The following TMEM232 variants were observed in gnomAD, a reference collection of about 807,000 sequenced individuals.
TMEM232 encodes the protein transmembrane protein 232.
TMEM232 carries 80 observed loss-of-function variants against 78.8 expected under a neutral mutation model. The observed-to-expected ratio is 1.01, with a 90% CI of 0.85 to 1.22. TMEM232 has a LOEUF of 1.22. Ranked by LOEUF, TMEM232 falls within the 50% of genes most tolerant of loss-of-function variation. The pLI, the probability that TMEM232 is intolerant of heterozygous loss-of-function variation, is 0.00. For synonymous variants in TMEM232, 297 were observed against 254.3 expected, an observed-to-expected ratio of 1.17 and a Z score of -1.60; for missense variants, 881 against 742.2, an observed-to-expected ratio of 1.19 and a Z score of -2.17.
At chr5:110,534,291 C>G (rs930095530) in intron 11 of TMEM232, among the ~76,000 whole-genome samples, 12 of 152,168 alleles carry the variant, frequency 7.9e-5, no homozygotes, top group Non-Finnish European at 1.5e-4. Context: ...GCTTAGTATT[C>G]AGTGAAACCT....
intron 12 of TMEM232, among the ~76,000 whole-genome samples, chr5:110,447,551 G>T (rs1165676462): frequency 6.6e-6 from 1 of 152,062 alleles, no homozygotes; most frequent in East Asian, 1.9e-4. Context: ...TTATTGCAAG[G>T]CAAGAATGAT....
At chr5:110,678,895 C>T (rs116188020) in intron 1 of TMEM232, among the ~76,000 whole-genome samples, 1,779 of 152,238 alleles carry the variant, frequency 0.012, 44 homozygotes, top group African/African-American at 0.04. Flanking sequence ...TTCTACCATA[C>T]TGATGTACCA....
chr5:110,641,043 T>TTA (rs767854921), intron 3 of TMEM232, 47 bp from the exon 4 acceptor site: 15 of 1,176,544 alleles, frequency 1.3e-5, no homozygotes, highest in South Asian at 1.3e-4. Flanking sequence ...GTACATATTT[T>TTA]TATATATATA....
chr5:110,705,366 C>A (rs1319303664), intron 1 of TMEM232, among the ~76,000 whole-genome samples: 1 of 151,994 alleles, frequency 6.6e-6, no homozygotes, highest in African/African-American at 2.4e-5. Flanking sequence ...CAAGAAGAGT[C>A]AATACTTACC....
chr5:110,645,728 T>C (rs892975458), intron 2 of TMEM232, among the ~76,000 whole-genome samples: 2 of 151,486 alleles, frequency 1.3e-5, no homozygotes, highest in Non-Finnish European at 1.5e-5. Flanking sequence ...CCAGAGCAAG[T>C]AAGTAAGAAT....
At chr5:110,403,981 C>T (rs555243539) in intron 2 of TMEM232, among the ~76,000 whole-genome samples, 21 of 151,888 alleles carry the variant, frequency 1.4e-4, no homozygotes, top group Admixed American at 2.6e-4. Context: ...GATGTGGGTG[C>T]GGGGTAGGAC....
intron 12 of TMEM232, among the ~76,000 whole-genome samples, chr5:110,487,485 T>C (rs557500787): frequency 5.3e-5 from 8 of 152,250 alleles, no homozygotes; most frequent in African/African-American, 1.7e-4. Flanking sequence ...GTAGGTCCCT[T>C]GTATGCCAAT....
intron 10 of TMEM232, among the ~76,000 whole-genome samples, chr5:110,589,145 A>C (rs929475565): frequency 6.6e-6 from 1 of 152,178 alleles, no homozygotes; most frequent in African/African-American, 2.4e-5. Context: ...TCAAAAATAA[A>C]TACTAACAGT....
intron 12 of TMEM232, among the ~76,000 whole-genome samples, chr5:110,431,101 A>G (rs1031201939): frequency 6.6e-6 from 1 of 151,660 alleles, no homozygotes. Flanking sequence ...CTGCCGAGGT[A>G]GCCAGGACTT....
Position 110,499,635 on chromosome 5 carries a change from C to CCACA in TMEM232, c.1703+28949_1703+28952dup, listed in dbSNP as rs1554091660. 4.2e-3 allele frequency among the ~76,000 whole-genome samples: 603 copies of CCACA among 143,592 alleles called. 11 individuals are homozygous for CCACA. The highest frequency in any genetic ancestry group is 0.016 in the African/African-American group (578 of 35,118). The allele number at this position is 143,592 out of a possible 152,430, so 94.2% of individuals were successfully genotyped here. On this transcript the variant is annotated intron_variant, in intron 12 of 13. Coordinates refer to ENST00000455884, the MANE Select transcript of TMEM232 (RefSeq NM_001039763.4). Reference sequence around the variant, plus strand: ...GAAAAATATATGTATACACCCCCCCCCACACACACACATATATATATATAT... The same window carrying CCACA: ...GAAAAATATATGTATACACCCCCCCCCACACACACACACACATATATATATATAT...
intron 1 of TMEM232, among the ~76,000 whole-genome samples, chr5:110,678,292 T>C (rs1792292027): frequency 6.6e-6 from 1 of 152,148 alleles, no homozygotes; most frequent in South Asian, 2.1e-4. Flanking sequence ...CTCGAACTCC[T>C]GACCTCAGGT....
intron 2 of TMEM232, among the ~76,000 whole-genome samples, chr5:110,398,620 AG>A (rs1258837880): frequency 6.6e-6 from 1 of 152,186 alleles, no homozygotes; most frequent in African/African-American, 2.4e-5. Context: ...GAGATTGTAA[AG>A]GGTATAAGAA....
chr5:110,680,920 G>T (rs375570274), intron 1 of TMEM232, among the ~76,000 whole-genome samples: 1 of 152,018 alleles, frequency 6.6e-6, no homozygotes, highest in African/African-American at 2.4e-5. Context: ...GTATGGGTAG[G>T]GGTAGAGAAG....
intron 10 of TMEM232, among the ~76,000 whole-genome samples, chr5:110,584,352 C>T (rs1778559011): frequency 6.6e-6 from 1 of 151,862 alleles, no homozygotes; most frequent in Non-Finnish European, 1.5e-5. Flanking sequence ...TATGCAACAA[C>T]ATGGATGAAG....
intron 10 of TMEM232, among the ~76,000 whole-genome samples, chr5:110,586,728 C>T (rs560056003): frequency 7.2e-5 from 11 of 152,136 alleles, no homozygotes; most frequent in African/African-American, 2.6e-4. Flanking sequence ...TAACACAAAA[C>T]AGCACAGCAA....
At chr5:110,704,405 C>T (rs1001689153) in intron 1 of TMEM232, among the ~76,000 whole-genome samples, 1 of 152,072 alleles carries the variant, frequency 6.6e-6, no homozygotes, top group Non-Finnish European at 1.5e-5. Context: ...CTCTAAGATT[C>T]CTGAGCCCTT....
chr5:110,624,237 A>G (rs1784127064), intron 7 of TMEM232, among the ~76,000 whole-genome samples: 1 of 152,078 alleles, frequency 6.6e-6, no homozygotes, highest in South Asian at 2.1e-4. Flanking sequence ...GGTCCTAAAT[A>G]TATATTTTCA....
At chr5:110,615,451 T>C (rs1483225308) in intron 8 of TMEM232, among the ~76,000 whole-genome samples, 1 of 151,796 alleles carries the variant, frequency 6.6e-6, no homozygotes, top group African/African-American at 2.4e-5. Flanking sequence ...TGGAAAAGAG[T>C]GCTCTCTGAT....
At chr5:110,738,203 G>A (rs1289941902), upstream of TMEM232, 2 of 1,286,100 alleles carry the variant, frequency 1.6e-6, no homozygotes, top group Non-Finnish European at 2.0e-6. Context: ...CCTCAGATCT[G>A]GGGAGGGAGC....
Sources: gnomAD v4.1 joint callset for allele counts (sites outside exome capture counted in the v4.1 genomes callset) on GRCh38, gnomAD v4.1.1 for gene constraint, MANE v1.5 for transcripts, NCBI Gene and HGNC (gene_info 2026-07-23, HGNC 2026-07-21) for gene names.